The following SLC9A8 variants were observed in gnomAD, a reference collection of about 807,000 sequenced individuals.
SLC9A8 encodes the protein solute carrier family 9 member A8.
Under a neutral mutation model 66.6 loss-of-function variants are expected in SLC9A8, and 48 were observed. The ratio of observed to expected loss-of-function variants is 0.72; its 90% confidence interval spans 0.57 to 0.92. SLC9A8 has a LOEUF of 0.92. Among genes scored for constraint, SLC9A8 ranks in the 40% least tolerant of loss-of-function variants. The probability of loss-of-function intolerance (pLI) is 0.00; values close to 1 mark genes in which losing one functional copy is unlikely to be tolerated. For synonymous variants in SLC9A8, 274 were observed against 282.6 expected (o/e 0.97, Z 0.31); for missense variants, 599 against 747.3 (o/e 0.80, Z 2.31).
rs781247717 is a variant in SLC9A8, at chr20:49,887,828, G to A, written c.1639-1G>A. 6.2e-7 allele frequency: 1 copy of A among 1,601,086 alleles called. No homozygotes were observed. The highest frequency in any genetic ancestry group is 8.5e-7 in the Non-Finnish European group (1 of 1,172,512). On this transcript the variant is annotated splice_acceptor_variant, in intron 15 of 15. Coordinates refer to ENST00000361573, the MANE Select transcript of SLC9A8 (RefSeq NM_015266.3). LOFTEE classifies it high-confidence loss of function. Reference sequence around the variant, plus strand: ...CGGCTTGGTTGTGTCTCTCGACCCAGGACCTGCACCACGGGCGCATCCAGA... The same window carrying A: ...CGGCTTGGTTGTGTCTCTCGACCCAAGACCTGCACCACGGGCGCATCCAGA...
rs1488086330 is a variant in SLC9A8 at position 49,862,999 on chromosome 20, G to A, written c.784G>A (p.Asp262Asn). 2 of 1,613,632 alleles carry A rather than the reference G, an allele frequency of 1.2e-6. 1 individual carries two copies. Among genetic ancestry groups the A allele is most frequent in the Non-Finnish European group, 1.7e-6 (2 of 1,179,690 alleles). ...SGWQTFLQAL[D>N]YFLKMFFGSA... ...GTGGCAAACATTTTTACAAGCCCTT[G>A]ACTACTTCCTCAAAATGTTCTTTGG... Residue 262 changes from aspartate (D) to asparagine (N), a missense_variant, in exon 9 of 16, where the codon GAC becomes AAC. Asp to Asn is a conservative substitution (Grantham distance 23). Around this residue, in one of 2 missense-constraint regions of SLC9A8, gnomAD observed 467 missense variants for 626.5 expected, o/e 0.75. Transcript: ENST00000361573.
chr20:49,828,073 A>AT (rs58366162), intron 3 of SLC9A8, among the ~76,000 whole-genome samples: 5,746 of 81,708 alleles, frequency 0.07, 193 homozygotes, highest in East Asian at 0.099. Context: ...CCAAAAAAAA[A>AT]TTTTTTTTTT....
rs368443111 is a variant in SLC9A8, at chr20:49,879,838, G to C, written c.1159-1086G>C. Among the ~76,000 whole-genome samples, 96 of 151,770 alleles carry C rather than the reference G, an allele frequency of 6.3e-4. 2 individuals are homozygous for C. In the South Asian group the frequency reaches 0.019, roughly 30 times the overall value. ...ACTCTCAAATTCATGCTTGTTAAAG[G>C]AATAAACTTAAAGCCTAAAGAATGT... On this transcript the variant is annotated intron_variant, in intron 12 of 15. Coordinates refer to ENST00000361573, the MANE Select transcript of SLC9A8 (RefSeq NM_015266.3).
At chr20:49,864,888 G>C in intron 10 of SLC9A8, 44 bp downstream of exon 10, 1 of 1,273,642 alleles carries the variant, frequency 7.9e-7, no homozygotes, top group Non-Finnish European at 1.2e-6. Flanking sequence ...ATGGCATCTT[G>C]TCCTGCCTGG....
At chr20:49,869,771 T>A (rs1352342014) in intron 10 of SLC9A8, among the ~76,000 whole-genome samples, 1 of 151,792 alleles carries the variant, frequency 6.6e-6, no homozygotes, top group Non-Finnish European at 1.5e-5. Flanking sequence ...AAGCAGAGGT[T>A]GCAGTGAGCC....
chr20:49,814,906 C>A, intron 1 of SLC9A8, 102 bp from the exon 2 acceptor site: 1 of 929,706 alleles, frequency 1.1e-6, no homozygotes, highest in Non-Finnish European at 1.5e-6. Context: ...ACTTCTGAAT[C>A]CCATAAAGTT....
intron 4 of SLC9A8, among the ~76,000 whole-genome samples, chr20:49,840,020 T>C (rs2087697769): frequency 6.6e-6 from 1 of 152,226 alleles, no homozygotes; most frequent in African/African-American, 2.4e-5. Context: ...GTTATTCTCA[T>C]GACAGTCATG....
chr20:49,854,612 T>C (rs1378574426), intron 7 of SLC9A8, among the ~76,000 whole-genome samples: 1 of 152,184 alleles, frequency 6.6e-6, no homozygotes, highest in Non-Finnish European at 1.5e-5. Flanking sequence ...CTGTATCTAC[T>C]GTTGGGGGTA....
At chr20:49,821,345 A>G (rs927167600) in intron 2 of SLC9A8, among the ~76,000 whole-genome samples, 5 of 152,194 alleles carry the variant, frequency 3.3e-5, no homozygotes, top group Non-Finnish European at 7.3e-5. Flanking sequence ...GACATTGGGC[A>G]TGTTCATTAG....
Position 49,834,418 on chromosome 20 carries a change from C to CAG in SLC9A8, c.290-5123_290-5122insAG, listed in dbSNP as rs1212672254. 2.1e-4 allele frequency among the ~76,000 whole-genome samples: 7 copies of CAG among 33,126 alleles called. 1 individual carries two copies. Among genetic ancestry groups the CAG allele is most frequent in the Non-Finnish European group, 3.4e-4 (6 of 17,846 alleles). The allele number at this position is 33,126 out of a possible 152,430, so 21.7% of individuals were successfully genotyped here. A position where few individuals can be genotyped will look rare whatever the true frequency, so the allele number is the denominator to read the frequency against. ...TATATATACTGTGTATATATATATACTGTATATATATACTGTATATATATA... is the reference window on the plus strand; with the variant it reads ...TATATATACTGTGTATATATATATACAGTGTATATATATACTGTATATATATA... On this transcript the variant is annotated intron_variant, in intron 3 of 15. Coordinates refer to ENST00000361573, the MANE Select transcript of SLC9A8 (RefSeq NM_015266.3).
intron 10 of SLC9A8, 117 bp from the exon 11 acceptor site, chr20:49,874,588 T>C: frequency 1.4e-6 from 1 of 716,908 alleles, no homozygotes; most frequent in Non-Finnish European, 2.5e-6. Flanking sequence ...GGAATTCATT[T>C]ATTTTCCTTT....
At chr20:49,848,403 C>T (rs934469475) in intron 5 of SLC9A8, among the ~76,000 whole-genome samples, 5 of 152,132 alleles carry the variant, frequency 3.3e-5, no homozygotes, top group African/African-American at 1.2e-4. Context: ...AAAATTGCAG[C>T]TTCTAGGAGG....
rs942013568 is a variant in SLC9A8, at chr20:49,888,716, A to G, written c.*780A>G. The G allele has an allele frequency of 2.6e-5, 4 of 152,594 alleles. No individual in the cohort carries two copies. Among genetic ancestry groups the G allele is most frequent in the Non-Finnish European group, 4.4e-5 (3 of 68,078 alleles). 9.5% of individuals were successfully genotyped at this position (152,594 alleles called of 1,614,324 possible). ...AGGCACAGGGTTTCTGCCGGCCCAC[A>G]ACTGCTGTCTTGATTTGCATTTTAC... On this transcript the variant is annotated 3_prime_UTR_variant, in exon 16 of 16. Coordinates refer to ENST00000361573, the MANE Select transcript of SLC9A8 (RefSeq NM_015266.3).
intron 3 of SLC9A8, among the ~76,000 whole-genome samples, chr20:49,826,117 C>T (rs994807169): frequency 6.6e-6 from 1 of 152,214 alleles, no homozygotes; most frequent in Non-Finnish European, 1.5e-5. Flanking sequence ...TCAATGCTTA[C>T]TTGCTAACTC....
intron 8 of SLC9A8, among the ~76,000 whole-genome samples, chr20:49,859,448 G>A (rs2146656638): frequency 6.6e-6 from 1 of 151,900 alleles, no homozygotes; most frequent in East Asian, 1.9e-4. Flanking sequence ...ACAGAAAAGG[G>A]GCATGTCAGA....
At chr20:49,834,320 A>G (rs2087372622) in intron 3 of SLC9A8, among the ~76,000 whole-genome samples, 1 of 104,704 alleles carries the variant, frequency 9.6e-6, no homozygotes, top group Non-Finnish European at 2.1e-5. Context: ...GTGTGTATAT[A>G]TATATATACT....
chr20:49,838,177 T>C (rs2087618686), intron 3 of SLC9A8, among the ~76,000 whole-genome samples: 1 of 152,194 alleles, frequency 6.6e-6, no homozygotes, highest in African/African-American at 2.4e-5. Context: ...TACCTTGGGC[T>C]AGGAAGAGAG....
chr20:49,884,790 G>A (rs933699754), intron 14 of SLC9A8, among the ~76,000 whole-genome samples: 4 of 152,028 alleles, frequency 2.6e-5, no homozygotes, highest in Non-Finnish European at 5.9e-5. Flanking sequence ...ACAAGCCACC[G>A]CCCCTGCCAC....
chr20:49,849,750 G>T, intron 6 of SLC9A8, 70 bp downstream of exon 6: 1 of 1,220,258 alleles, frequency 8.2e-7, no homozygotes, highest in Non-Finnish European at 1.2e-6. Flanking sequence ...AGGTGGGAAG[G>T]TGAAATGGGG....
Sources: gnomAD v4.1 joint callset for allele counts (sites outside exome capture counted in the v4.1 genomes callset) on GRCh38, gnomAD v4.1.1 for gene constraint, gnomAD v4.1.1 regional missense constraint, MANE v1.5 for transcripts, NCBI Gene and HGNC (gene_info 2026-07-23, HGNC 2026-07-21) for gene names.